Variants in LIN52 observed in about 807,000 individuals in gnomAD.
The protein encoded by LIN52 is protein lin-52 homolog.
Under a neutral mutation model 18.5 loss-of-function variants are expected in LIN52, and 4 were observed. The observed-to-expected ratio is 0.22, with a 90% CI of 0.11 to 0.49. The LOEUF is 0.49. LIN52 is among the 20% of genes least tolerant of loss of function. The pLI is 0.97. For missense variants in LIN52, 102 were observed against 139.5 expected (o/e 0.73, Z 1.35); for synonymous variants, 34 against 45.5 (o/e 0.75, Z 1.02).
intron 5 of LIN52, among the ~76,000 whole-genome samples, chr14:74,128,341 TC>T (rs1296917672): frequency 1.3e-5 from 2 of 151,600 alleles, no homozygotes; most frequent in Non-Finnish European, 2.9e-5. Flanking sequence ...AGAAGAGAGA[TC>T]CACAGAGGGT....
rs375130778 is a variant in LIN52, at chr14:74,101,176, C to G, written c.221C>G (p.Ala74Gly). 11 of 1,611,394 alleles carry G rather than the reference C, an allele frequency of 6.8e-6. No individual in the cohort carries two copies. Among genetic ancestry groups the G allele is most frequent in the Non-Finnish European group, 9.3e-6 (11 of 1,179,176 alleles). The change falls in exon 5 of 6, where the codon GCT becomes GGT. Residue 74 changes from alanine (A) to glycine (G), a missense_variant. By Grantham distance (60) the Ala-to-Gly change is moderately conservative (BLOSUM62 0). Coordinates refer to ENST00000555028, the MANE Select transcript of LIN52 (RefSeq NM_001024674.3). ...MLKELGSLTT[A>G]NLMEKVRGLQ... ...TCAGAACTGGGGAGTCTCACCACGG[C>G]TAATTTGATGGAGAAGGTTCGAGGC...
At chr14:74,160,202 G>A (rs1045367141) in intron 5 of LIN52, among the ~76,000 whole-genome samples, 3 of 152,160 alleles carry the variant, frequency 2.0e-5, no homozygotes, top group African/African-American at 7.2e-5. Flanking sequence ...GACATGCATA[G>A]AGGGAAGACA....
At chr14:74,198,420 A>T (rs1327650459) in intron 5 of LIN52, among the ~76,000 whole-genome samples, 1 of 152,216 alleles carries the variant, frequency 6.6e-6, no homozygotes, top group African/African-American at 2.4e-5. Flanking sequence ...GATGAACTGC[A>T]CTGAGGGAAT....
intron 4 of LIN52, among the ~76,000 whole-genome samples, chr14:74,099,306 A>G (rs551387522): frequency 1.7e-4 from 26 of 152,296 alleles, no homozygotes; most frequent in African/African-American, 6.0e-4. Context: ...ATTTGATTTT[A>G]GAAGTAATTC....
At chr14:74,114,999 C>G (rs1038806101) in intron 5 of LIN52, among the ~76,000 whole-genome samples, 13 of 152,156 alleles carry the variant, frequency 8.5e-5, no homozygotes, top group African/African-American at 3.1e-4. Flanking sequence ...TATGGCCTCT[C>G]TATACAGTAG....
intron 5 of LIN52, among the ~76,000 whole-genome samples, chr14:74,197,138 C>A (rs1250908223): frequency 2.6e-5 from 4 of 152,136 alleles, no homozygotes; most frequent in African/African-American, 9.7e-5. Flanking sequence ...GAATGGAGCA[C>A]TGAGGGCCAC....
chr14:74,189,205 T>C (rs552443793), intron 5 of LIN52, among the ~76,000 whole-genome samples: 1 of 152,344 alleles, frequency 6.6e-6, no homozygotes, highest in South Asian at 2.1e-4. Flanking sequence ...TTGCTGTTCT[T>C]ACTTTATGGA....
At chr14:74,105,820 C>A (rs1022020525) in intron 5 of LIN52, among the ~76,000 whole-genome samples, 2 of 152,134 alleles carry the variant, frequency 1.3e-5, no homozygotes, top group East Asian at 3.8e-4. Context: ...TATTTGTCCT[C>A]AAAACATGAT....
At chr14:74,121,079 A>G (rs556188127) in intron 5 of LIN52, among the ~76,000 whole-genome samples, 1 of 152,296 alleles carries the variant, frequency 6.6e-6, no homozygotes, top group African/African-American at 2.4e-5. Context: ...CTATTCCAAA[A>G]AAAACCATGT....
intron 5 of LIN52, among the ~76,000 whole-genome samples, chr14:74,146,205 T>C (rs2061151899): frequency 6.6e-6 from 1 of 152,210 alleles, no homozygotes; most frequent in Non-Finnish European, 1.5e-5. Flanking sequence ...TTTTTCTCTC[T>C]ATTGATGAAC....
At chr14:74,087,911 AT>A (rs1269743396) in intron 1 of LIN52, among the ~76,000 whole-genome samples, 9 of 151,142 alleles carry the variant, frequency 6.0e-5, no homozygotes, top group Middle Eastern at 3.4e-3. Context: ...ACCCCCAATA[AT>A]TTTTTTTTAA....
At chr14:74,155,341 C>T (rs1040946749) in intron 5 of LIN52, among the ~76,000 whole-genome samples, 1 of 152,222 alleles carries the variant, frequency 6.6e-6, no homozygotes, top group Non-Finnish European at 1.5e-5. Context: ...GAATTGTGAC[C>T]TATTAATATG....
intron 5 of LIN52, among the ~76,000 whole-genome samples, chr14:74,120,986 A>C (rs1056937327): frequency 2.0e-5 from 3 of 152,282 alleles, no homozygotes; most frequent in Admixed American, 6.5e-5. Flanking sequence ...CTGAGGTGGG[A>C]GGATCATTTG....
At chr14:74,151,462 G>A (rs190643909) in intron 5 of LIN52, among the ~76,000 whole-genome samples, 5 of 152,272 alleles carry the variant, frequency 3.3e-5, no homozygotes, top group African/African-American at 1.2e-4. Context: ...AGATGTCAGT[G>A]AAATTTATTA....
chr14:74,094,438 TG>T (rs1171044056), intron 2 of LIN52, among the ~76,000 whole-genome samples: 1 of 151,860 alleles, frequency 6.6e-6, no homozygotes, highest in Admixed American at 6.6e-5. Context: ...TAAAAAATTT[TG>T]GGGGGGACAA....
At chr14:74,177,223 C>T (rs1285489424) in intron 5 of LIN52, among the ~76,000 whole-genome samples, 1 of 152,174 alleles carries the variant, frequency 6.6e-6, no homozygotes, top group Non-Finnish European at 1.5e-5. Context: ...GTCTCGAACT[C>T]CTGACCTCAG....
At chr14:74,112,601 G>T (rs548899738) in intron 5 of LIN52, among the ~76,000 whole-genome samples, 1 of 152,166 alleles carries the variant, frequency 6.6e-6, no homozygotes, top group Non-Finnish European at 1.5e-5. Context: ...CATTAAACAG[G>T]AATGTTAGCT....
At chr14:74,097,922 T>G in intron 4 of LIN52, 62 bp downstream of exon 4, 1 of 1,253,060 alleles carries the variant, frequency 8.0e-7, no homozygotes, top group Non-Finnish European at 1.1e-6. Context: ...ACCACCTCTC[T>G]ATTTTTTTTT....
chr14:74,139,295 A>C (rs2061115993), intron 5 of LIN52, among the ~76,000 whole-genome samples: 1 of 152,248 alleles, frequency 6.6e-6, no homozygotes, highest in African/African-American at 2.4e-5. Flanking sequence ...GGGAACATGG[A>C]TCTTGGAATA....
Sources: gnomAD v4.1 joint callset for allele counts (sites outside exome capture counted in the v4.1 genomes callset) on GRCh38, gnomAD v4.1.1 for gene constraint, MANE v1.5 for transcripts, NCBI Gene and HGNC (gene_info 2026-07-23, HGNC 2026-07-21) for gene names.